TRAPPC9: variants seen among roughly 807,000 people sequenced by gnomAD.
TRAPPC9 encodes the protein IKK2 binding protein.
A neutral mutation model predicts 124.0 loss-of-function variants in TRAPPC9; 83 were observed. The observed-to-expected ratio is 0.67, with a 90% confidence interval of 0.56 to 0.80. The LOEUF (loss-of-function observed/expected upper bound fraction) is 0.80, where lower values mean the gene tolerates loss of function less well. Ranked by LOEUF, TRAPPC9 falls within the 30% of genes least tolerant of loss-of-function variation. The pLI, the probability that TRAPPC9 is intolerant of heterozygous loss-of-function variation, is 0.00. For synonymous variants in TRAPPC9, 638 were observed against 617.5 expected (o/e 1.03, Z -0.49); for missense variants, 1,302 against 1,508.3 (o/e 0.86, Z 2.27).
rs545979845 is a variant in TRAPPC9 at position 140,371,034 on chromosome 8, G to C, written c.1281C>G (p.Ala427=). Residue 427 remains alanine (A), a synonymous_variant, in exon 8 of 23, where the codon GCC becomes GCG. Transcript: ENST00000438773. Reference sequence around the variant, plus strand: ...GCGTTTCCAGGAGGAGTTTGTAGCAGGCCCTCCACCCAGGCTCCGCGATGC... The same window carrying C: ...GCGTTTCCAGGAGGAGTTTGTAGCACGCCCTCCACCCAGGCTCCGCGATGC... ...APSIAEPGWR[A]CYKLLLETLP... is the part of the protein sequence containing the mutation. The C allele has an allele frequency of 1.2e-6, 2 of 1,614,262 alleles. No homozygotes were observed. The highest frequency in any genetic ancestry group is 8.5e-7 in the Non-Finnish European group (1 of 1,180,050).
intron 18 of TRAPPC9, among the ~76,000 whole-genome samples, chr8:140,019,619 C>T (rs144455919): frequency 0.017 from 2,009 of 118,196 alleles, 48 homozygotes; most frequent in African/African-American, 0.06. Context: ...GTGGTGCAAT[C>T]TTGGCTCACT....
intron 1 of TRAPPC9, among the ~76,000 whole-genome samples, chr8:140,453,063 G>C (rs1282584173): frequency 6.6e-6 from 1 of 152,152 alleles, no homozygotes; most frequent in Admixed American, 6.6e-5. Context: ...AATGCACATG[G>C]AGCTACAACT....
chr8:140,430,473 C>A (rs2070599950), intron 4 of TRAPPC9, among the ~76,000 whole-genome samples: 1 of 152,154 alleles, frequency 6.6e-6, no homozygotes. Context: ...CCCTTGGGTG[C>A]TGCACTCAGG....
intron 11 of TRAPPC9, among the ~76,000 whole-genome samples, chr8:140,297,129 G>T (rs1051673380): frequency 2.0e-5 from 3 of 152,140 alleles, no homozygotes; most frequent in Non-Finnish European, 4.4e-5. Context: ...CGCAACACAC[G>T]CTGGAGCACA....
chr8:140,112,742 G>C (rs1380798358), intron 17 of TRAPPC9, among the ~76,000 whole-genome samples: 1 of 152,138 alleles, frequency 6.6e-6, no homozygotes, highest in Non-Finnish European at 1.5e-5. Context: ...CCTTTTAATA[G>C]GTGGCCTTGC....
chr8:139,985,741 A>T (rs1046971047), intron 19 of TRAPPC9, among the ~76,000 whole-genome samples: 1 of 152,202 alleles, frequency 6.6e-6, no homozygotes, highest in African/African-American at 2.4e-5. Context: ...GCGTGTCATT[A>T]ACAATAATCA....
intron 6 of TRAPPC9, among the ~76,000 whole-genome samples, chr8:140,404,557 A>C (rs1203916093): frequency 6.6e-6 from 1 of 152,204 alleles, no homozygotes; most frequent in East Asian, 1.9e-4. Flanking sequence ...TGAAAGAAGC[A>C]AGCAGGTCCG....
In TRAPPC9 at chr8:139,994,655, G is replaced by A. The variant is rs530429177; in HGVS notation, c.2700-5819C>T. Among the ~76,000 whole-genome samples the A allele has an allele frequency of 3.1e-3, 472 of 152,290 alleles. 1 individual carries two copies. The highest frequency in any genetic ancestry group is 0.011 in the African/African-American group (449 of 41,566). On this transcript the variant is annotated intron_variant, in intron 18 of 22. Transcript: ENST00000438773. ...CAACTATTTCTTAAAAATTAAGTGA[G>A]TCTCTTGACATTAACACGGATGTTT... is the stretch of plus-strand genomic sequence containing the variant.
At chr8:140,438,696 T>G (rs1238662101) in intron 3 of TRAPPC9, among the ~76,000 whole-genome samples, 2 of 152,128 alleles carry the variant, frequency 1.3e-5, no homozygotes, top group African/African-American at 2.4e-5. Context: ...TTTTTTATTT[T>G]ATTTTATTTT....
intron 9 of TRAPPC9, among the ~76,000 whole-genome samples, chr8:140,351,973 A>G (rs912211738): frequency 2.6e-5 from 4 of 152,208 alleles, no homozygotes; most frequent in African/African-American, 7.2e-5. Context: ...ACAATGTACT[A>G]TTGGAATACC....
At chr8:140,336,500 C>T (rs2132032528) in intron 9 of TRAPPC9, among the ~76,000 whole-genome samples, 1 of 152,246 alleles carries the variant, frequency 6.6e-6, no homozygotes, top group East Asian at 1.9e-4. Flanking sequence ...TTCCCCAGCC[C>T]CAAGAAACAC....
At chr8:139,793,018 G>A (rs545825312) in intron 21 of TRAPPC9, among the ~76,000 whole-genome samples, 8 of 152,282 alleles carry the variant, frequency 5.3e-5, no homozygotes, top group Admixed American at 1.3e-4. Flanking sequence ...AGAGTGATCC[G>A]CTGGGTCTGG....
Position 139,910,293 on chromosome 8 carries a change from T to C in TRAPPC9, c.2818A>G (p.Ile940Val). The change falls in exon 20 of 23, where the codon ATT becomes GTT. Residue 940 changes from isoleucine (I) to valine (V), a missense_variant. Transcript: ENST00000438773. The stretch of plus-strand genomic sequence containing the variant: ...TCAAAGTTGAACTTGTCCACTTGAA[T>C]AGCCATTCTACGAGAAAGGGGAAAA... The part of the protein sequence containing the change: ...LHAGECQRMA[I>V]QVDKFNFESF... 1 of 1,614,164 alleles carries C rather than the reference T, an allele frequency of 6.2e-7. No homozygotes were observed. Among genetic ancestry groups the C allele is most frequent in the Non-Finnish European group, 8.5e-7 (1 of 1,180,020 alleles).
At chr8:139,750,988 A>G (rs1272017029) in intron 21 of TRAPPC9, among the ~76,000 whole-genome samples, 1 of 152,148 alleles carries the variant, frequency 6.6e-6, no homozygotes, top group Non-Finnish European at 1.5e-5. Flanking sequence ...GGCCCACCCC[A>G]AGGGCTGCAG....
intron 21 of TRAPPC9, among the ~76,000 whole-genome samples, chr8:139,763,255 T>G (rs541853303): frequency 1.3e-5 from 2 of 151,898 alleles, no homozygotes; most frequent in Non-Finnish European, 2.9e-5. Context: ...CACAGAGGAG[T>G]GTGGGGATTA....
chr8:139,851,534 C>A (rs1321820037), intron 21 of TRAPPC9, among the ~76,000 whole-genome samples: 1 of 152,106 alleles, frequency 6.6e-6, no homozygotes, highest in Non-Finnish European at 1.5e-5. Flanking sequence ...GATGAACGGT[C>A]AAATCATCCA....
chr8:140,358,475 C>T (rs1031211579), intron 9 of TRAPPC9, among the ~76,000 whole-genome samples: 3 of 152,138 alleles, frequency 2.0e-5, no homozygotes, highest in Non-Finnish European at 4.4e-5. Context: ...CCAAAGAGAT[C>T]GGATTACAGG....
chr8:140,338,093 A>C (rs762632580), intron 9 of TRAPPC9, among the ~76,000 whole-genome samples: 13 of 152,236 alleles, frequency 8.5e-5, no homozygotes, highest in Non-Finnish European at 1.6e-4. Flanking sequence ...GTTGCTAAAA[A>C]AAATTATTAA....
chr8:140,168,509 T>C (rs2061893399), intron 17 of TRAPPC9, among the ~76,000 whole-genome samples: 1 of 149,026 alleles, frequency 6.7e-6, no homozygotes, highest in Non-Finnish European at 1.5e-5. Flanking sequence ...TCATACATAC[T>C]TTCACTTCCC....
Sources: gnomAD v4.1 joint callset for allele counts (sites outside exome capture counted in the v4.1 genomes callset) on GRCh38, gnomAD v4.1.1 for gene constraint, MANE v1.5 for transcripts, NCBI Gene and HGNC (gene_info 2026-07-23, HGNC 2026-07-21) for gene names.